MACC1: variants seen among roughly 807,000 people sequenced by gnomAD.
MACC1 encodes metastasis-associated in colon cancer protein 1.
A neutral mutation model predicts 70.7 loss-of-function variants in MACC1; 79 were observed. The observed-to-expected ratio is 1.12, with a 90% CI of 0.93 to 1.35. MACC1 has a LOEUF of 1.35. Ranked by LOEUF, MACC1 falls within the 40% of genes most tolerant of loss-of-function variation. The pLI, the probability that MACC1 is intolerant of heterozygous loss-of-function variation, is 0.00. For synonymous variants in MACC1, 361 were observed against 347.2 expected (o/e 1.04, Z -0.44); for missense variants, 1,106 against 978.1 (o/e 1.13, Z -1.74).
At chr7:20,154,101 A>C in intron 6 of MACC1, 92 bp downstream of exon 6, 1 of 1,320,254 alleles carries the variant, frequency 7.6e-7, no homozygotes, top group Admixed American at 1.8e-5. Flanking sequence ...ACATTCCCCC[A>C]GTGAATCCGT....
At chr7:20,142,645 C>T (rs1205075122) in intron 6 of MACC1, among the ~76,000 whole-genome samples, 1 of 152,208 alleles carries the variant, frequency 6.6e-6, no homozygotes, top group Non-Finnish European at 1.5e-5. Context: ...CCACTAGTTT[C>T]TCAACAATGG....
chr7:20,156,323 A>C (rs1003127941), intron 5 of MACC1, among the ~76,000 whole-genome samples: 3 of 152,138 alleles, frequency 2.0e-5, no homozygotes, highest in African/African-American at 7.2e-5. Flanking sequence ...AAAGCTTGGA[A>C]GCTCCCCGCT....
chr7:20,171,941 C>G (rs568060347), intron 1 of MACC1, among the ~76,000 whole-genome samples: 44 of 152,238 alleles, frequency 2.9e-4, no homozygotes, highest in Non-Finnish European at 4.4e-4. Flanking sequence ...GAGAGGAAAA[C>G]TGCCCTGGGT....
intron 1 of MACC1, among the ~76,000 whole-genome samples, chr7:20,196,154 A>G (rs1395175302): frequency 6.6e-6 from 1 of 151,966 alleles, no homozygotes; most frequent in Non-Finnish European, 1.5e-5. Flanking sequence ...CTTAGCTTTT[A>G]TTGGTAATAA....
At chr7:20,166,518 A>G (rs1782221995) in intron 2 of MACC1, among the ~76,000 whole-genome samples, 2 of 152,172 alleles carry the variant, frequency 1.3e-5, no homozygotes, top group South Asian at 4.1e-4. Flanking sequence ...AGTATACACC[A>G]TACACAAGCA....
At chr7:20,157,240 A>AT (rs1267499342) in intron 5 of MACC1, among the ~76,000 whole-genome samples, 1 of 152,164 alleles carries the variant, frequency 6.6e-6, no homozygotes, top group South Asian at 2.1e-4. Context: ...TGTTTTAACC[A>AT]TTTTTAGAAA....
chr7:20,205,961 A>G (rs1019662647), intron 1 of MACC1, among the ~76,000 whole-genome samples: 8 of 152,002 alleles, frequency 5.3e-5, no homozygotes, highest in African/African-American at 1.9e-4. Context: ...TCTATCAACA[A>G]AAATGTCTAT....
chr7:20,198,342 G>C (rs1167366611), intron 1 of MACC1, among the ~76,000 whole-genome samples: 1 of 152,212 alleles, frequency 6.6e-6, no homozygotes, highest in Admixed American at 6.5e-5. Flanking sequence ...TTAGGCATCA[G>C]ATCCACAGAC....
At chr7:20,147,277 T>C (rs1258394840) in intron 6 of MACC1, 1 of 152,146 alleles carries the variant, frequency 6.6e-6, no homozygotes, top group Non-Finnish European at 1.5e-5. Context: ...TAGAAGAAAT[T>C]CAGATTTCAG....
At chr7:20,156,071 T>C (rs1782050452) in intron 5 of MACC1, among the ~76,000 whole-genome samples, 1 of 152,166 alleles carries the variant, frequency 6.6e-6, no homozygotes, top group South Asian at 2.1e-4. Flanking sequence ...TTAGAGAGTG[T>C]CAAGTATATA....
At chr7:20,208,288 G>C (rs1431047094) in intron 1 of MACC1, among the ~76,000 whole-genome samples, 1 of 152,328 alleles carries the variant, frequency 6.6e-6, no homozygotes, top group East Asian at 1.9e-4. Flanking sequence ...CTGGGTAACA[G>C]GCAGAGGTTG....
At chr7:20,191,899 GTATT>G (rs1317150775) in intron 1 of MACC1, among the ~76,000 whole-genome samples, 1 of 152,192 alleles carries the variant, frequency 6.6e-6, no homozygotes, top group Non-Finnish European at 1.5e-5. Context: ...TTTTTCTGTA[GTATT>G]TATTTAGGAC....
At position 20,140,931 on chromosome 7, in the gene MACC1, A is replaced by T; in HGVS notation, c.*15T>A. On this transcript the variant is annotated 3_prime_UTR_variant, in exon 7 of 7. Transcript: ENST00000400331. The stretch of plus-strand genomic sequence containing the variant: ...TACCTCATTTTCCCTCCCATCAAAA[A>T]CACACGCTTTGTTTCTATACTTCCT... The T allele has an allele frequency of 6.3e-7, 1 of 1,599,914 alleles. No homozygotes were observed. Among genetic ancestry groups the T allele is most frequent in the Non-Finnish European group, 8.5e-7 (1 of 1,170,206 alleles).
At position 20,140,844 on chromosome 7, in the gene MACC1, CACACACACAGACACACAGAG is replaced by C; in HGVS notation, c.*82_*101del. On this transcript the variant is annotated 3_prime_UTR_variant, in exon 7 of 7. Transcript: ENST00000400331. Reference sequence around the variant, plus strand: ...ACACACAGACACACACACACAGACACACACACACAGACACACAGAGACACACACAGACACACACAGACACA... The same window carrying C: ...ACACACAGACACACACACACAGACACACACACACAGACACACACAGACACA... The C allele has an allele frequency of 2.5e-6, 2 of 797,520 alleles. No homozygotes were observed. The allele number at this position is 797,520 out of a possible 1,614,324, so 49.4% of individuals were successfully genotyped here. A position where few individuals can be genotyped will look rare whatever the true frequency, so the allele number is the denominator to read the frequency against.
At chr7:20,154,436 C>G in intron 5 of MACC1, 55 bp from the exon 6 acceptor site, 1 of 1,514,912 alleles carries the variant, frequency 6.6e-7, no homozygotes, top group Non-Finnish European at 8.9e-7. Context: ...GCTTTTCTCT[C>G]TATAAATTGG....
intron 6 of MACC1, among the ~76,000 whole-genome samples, chr7:20,151,800 C>T (rs1369423446): frequency 6.6e-6 from 1 of 152,032 alleles, no homozygotes; most frequent in Non-Finnish European, 1.5e-5. Flanking sequence ...GAAAAGAGGA[C>T]AAATAAAAAA....
intron 4 of MACC1, among the ~76,000 whole-genome samples, chr7:20,161,478 T>C (rs1267071416): frequency 6.6e-6 from 1 of 152,020 alleles, no homozygotes; most frequent in Non-Finnish European, 1.5e-5. Flanking sequence ...TCAATCAACC[T>C]TCAGAGAGCC....
At chr7:20,207,876 C>CA in intron 1 of MACC1, among the ~76,000 whole-genome samples, 1 of 152,264 alleles carries the variant, frequency 6.6e-6, no homozygotes, top group East Asian at 1.9e-4. Flanking sequence ...TGTCCTCACC[C>CA]AAATCTCATC....
In MACC1 at chr7:20,136,606, A is replaced by C. The variant is rs1750955536; in HGVS notation, c.*4340T>G. ...GTCACTTTATTTTGTGCTGTGGACC[A>C]GTAAATACATATGCAAGAAACAAAC... On this transcript the variant is annotated 3_prime_UTR_variant, in exon 7 of 7. Coordinates refer to ENST00000400331, the MANE Select transcript of MACC1 (RefSeq NM_182762.4). The C allele has an allele frequency of 6.6e-6, 1 of 152,148 alleles. No individual in the cohort carries two copies. Among genetic ancestry groups the C allele is most frequent in the South Asian group, 2.1e-4 (1 of 4,838 alleles). 9.4% of individuals were successfully genotyped at this position (152,148 alleles called of 1,614,324 possible).
Sources: allele counts gnomAD v4.1 joint callset (sites outside exome capture counted in the v4.1 genomes callset), GRCh38; gene constraint gnomAD v4.1.1; transcripts MANE v1.5; gene names NCBI Gene and HGNC (gene_info 2026-07-23, HGNC 2026-07-21).